Variants in SPAG16 observed in about 807,000 individuals in gnomAD.
SPAG16 encodes sperm-associated antigen 16 protein.
SPAG16 carries 86 observed loss-of-function variants against 80.4 expected under a neutral mutation model. The ratio of observed to expected loss-of-function variants is 1.07; its 90% CI spans 0.90 to 1.28. The LOEUF (loss-of-function observed/expected upper bound fraction) is 1.28. Among genes scored for constraint, SPAG16 ranks in the 50% most tolerant of loss-of-function variants. The pLI, the probability that SPAG16 is intolerant of heterozygous loss-of-function variation, is 0.00. For synonymous variants in SPAG16, 294 were observed against 265.9 expected, an observed-to-expected ratio of 1.11 and a Z score of -1.03; for missense variants, 870 against 765.3, an observed-to-expected ratio of 1.14 and a Z score of -1.61.
At chr2:213,775,081 T>C (rs1192762872) in intron 10 of SPAG16, among the ~76,000 whole-genome samples, 1 of 152,214 alleles carries the variant, frequency 6.6e-6, no homozygotes, top group African/African-American at 2.4e-5. Context: ...ACAACTATTT[T>C]CTTCTAGCCG....
chr2:213,551,644 G>A (rs1175370195), intron 10 of SPAG16, among the ~76,000 whole-genome samples: 3 of 152,144 alleles, frequency 2.0e-5, no homozygotes, highest in African/African-American at 7.2e-5. Flanking sequence ...ATTCTGTTAA[G>A]TTGGGTTTCA....
At chr2:213,744,578 A>G (rs1017813095) in intron 10 of SPAG16, among the ~76,000 whole-genome samples, 1 of 152,228 alleles carries the variant, frequency 6.6e-6, no homozygotes, top group Non-Finnish European at 1.5e-5. Flanking sequence ...CCATCTGACA[A>G]TGGAATCATC....
At chr2:214,276,115 C>A (rs1320302507) in intron 15 of SPAG16, among the ~76,000 whole-genome samples, 1 of 152,108 alleles carries the variant, frequency 6.6e-6, no homozygotes, top group Admixed American at 6.5e-5. Flanking sequence ...AGAATTGCAA[C>A]CCCTGCTTTT....
intron 15 of SPAG16, among the ~76,000 whole-genome samples, chr2:214,203,319 C>T (rs531314925): frequency 3.9e-5 from 6 of 152,062 alleles, no homozygotes; most frequent in Non-Finnish European, 8.8e-5. Context: ...AGATAGGAGG[C>T]AGGACTAACT....
At chr2:213,408,051 CAGAG>C (rs560348436) in intron 9 of SPAG16, among the ~76,000 whole-genome samples, 8 of 136,718 alleles carry the variant, frequency 5.9e-5, no homozygotes, top group Non-Finnish European at 1.1e-4. Flanking sequence ...GAGAGACAGG[CAGAG>C]AGAGGGAGAG....
chr2:213,943,967 A>G (rs1006685835), intron 12 of SPAG16, among the ~76,000 whole-genome samples: 1 of 152,242 alleles, frequency 6.6e-6, no homozygotes, highest in Non-Finnish European at 1.5e-5. Context: ...GCACTGGACC[A>G]TAGAGCTATT....
At chr2:213,667,644 C>T (rs563046345) in intron 10 of SPAG16, among the ~76,000 whole-genome samples, 4 of 152,194 alleles carry the variant, frequency 2.6e-5, no homozygotes, top group African/African-American at 9.6e-5. Flanking sequence ...TAGTTATTGA[C>T]CACATTAGAT....
At chr2:213,389,145 T>C (rs1423441975) in intron 9 of SPAG16, among the ~76,000 whole-genome samples, 1 of 152,170 alleles carries the variant, frequency 6.6e-6, no homozygotes, top group Non-Finnish European at 1.5e-5. Context: ...TTGACAATAG[T>C]ACCAAGACCA....
chr2:214,121,494 T>A (rs2054218100), intron 14 of SPAG16, among the ~76,000 whole-genome samples: 1 of 151,842 alleles, frequency 6.6e-6, no homozygotes, highest in African/African-American at 2.4e-5. Flanking sequence ...GCTTTGCTAT[T>A]CATAAGACAT....
chr2:213,355,970 A>G (rs2065628557), intron 7 of SPAG16, among the ~76,000 whole-genome samples: 1 of 152,160 alleles, frequency 6.6e-6, no homozygotes, highest in African/African-American at 2.4e-5. Flanking sequence ...GAATGCTTCC[A>G]GTTTTTGCCC....
At chr2:213,684,826 A>G (rs2064579930) in intron 10 of SPAG16, among the ~76,000 whole-genome samples, 1 of 152,242 alleles carries the variant, frequency 6.6e-6, no homozygotes, top group African/African-American at 2.4e-5. Context: ...ATGGTAAGCA[A>G]AACAGACACA....
At chr2:213,770,762 G>A (rs1011612809) in intron 10 of SPAG16, among the ~76,000 whole-genome samples, 3 of 152,044 alleles carry the variant, frequency 2.0e-5, no homozygotes, top group Non-Finnish European at 4.4e-5. Flanking sequence ...ATACCTTCAA[G>A]CTCCATCCAT....
chr2:213,771,375 A>T (rs1182440623), intron 10 of SPAG16, among the ~76,000 whole-genome samples: 1 of 152,098 alleles, frequency 6.6e-6, no homozygotes, highest in Non-Finnish European at 1.5e-5. Flanking sequence ...TGGTTAGATC[A>T]CAAAAACTTT....
intron 10 of SPAG16, among the ~76,000 whole-genome samples, chr2:213,666,503 A>G (rs1234001620): frequency 1.3e-5 from 2 of 152,176 alleles, no homozygotes; most frequent in Non-Finnish European, 2.9e-5. Flanking sequence ...TTGAAAAGAT[A>G]CTTCAACCTT....
At chr2:214,191,327 G>A (rs1032959505) in intron 15 of SPAG16, among the ~76,000 whole-genome samples, 5 of 152,026 alleles carry the variant, frequency 3.3e-5, no homozygotes, top group Admixed American at 1.3e-4. Context: ...TTGCCCCTTC[G>A]TTGGTATACC....
At chr2:214,086,351 C>T (rs2125289504) in intron 13 of SPAG16, among the ~76,000 whole-genome samples, 2 of 152,250 alleles carry the variant, frequency 1.3e-5, no homozygotes, top group Middle Eastern at 6.8e-3. Context: ...GAAGTAAGCA[C>T]CTTAAAAACT....
chr2:213,743,377 C>T (rs560684632), intron 10 of SPAG16, among the ~76,000 whole-genome samples: 31 of 152,224 alleles, frequency 2.0e-4, no homozygotes, highest in South Asian at 4.1e-4. Flanking sequence ...TGAATTTATT[C>T]TTAAGTGTCT....
rs58879510 is a variant in SPAG16 at position 213,802,395 on chromosome 2, C to CTCTATCTATCTATCTA, written c.1071-60053_1071-60038dup. ...TACTTAAAACCCAAATGATTCATGT[C>CTCTATCTATCTATCTA]TCTATCTATCTATCTATCTATCTAT... On this transcript the variant is annotated intron_variant, in intron 10 of 15. Transcript: ENST00000331683. Among the ~76,000 whole-genome samples, 168 of 148,134 alleles carry CTCTATCTATCTATCTA rather than the reference C, an allele frequency of 1.1e-3. 1 individual carries two copies. Among genetic ancestry groups the CTCTATCTATCTATCTA allele is most frequent in the East Asian group, 1.8e-3 (9 of 4,912 alleles).
chr2:213,818,303 G>T (rs557517465), intron 10 of SPAG16, among the ~76,000 whole-genome samples: 3 of 152,154 alleles, frequency 2.0e-5, no homozygotes, highest in African/African-American at 7.2e-5. Flanking sequence ...TCACAGTAAA[G>T]TTCCACCCCT....
Sources: allele counts gnomAD v4.1 joint callset (sites outside exome capture counted in the v4.1 genomes callset), GRCh38; gene constraint gnomAD v4.1.1; transcripts MANE v1.5; gene names NCBI Gene and HGNC (gene_info 2026-07-23, HGNC 2026-07-21).